PCDHGA3: variants seen among roughly 807,000 people sequenced by gnomAD.
PCDHGA3 encodes the protein protocadherin gamma subfamily A, 3.
PCDHGA3 carries 40 observed loss-of-function variants against 58.5 expected under a neutral mutation model. The observed-to-expected ratio is 0.68, with a 90% CI of 0.53 to 0.89. The LOEUF (loss-of-function observed/expected upper bound fraction) is 0.89, where lower values mean the gene tolerates loss of function less well. PCDHGA3 is among the 40% of genes least tolerant of loss of function. The pLI, the probability that PCDHGA3 is intolerant of heterozygous loss-of-function variation, is 0.00. For missense variants in PCDHGA3, 1,223 were observed against 1,195.9 expected (o/e 1.02, Z -0.33); for synonymous variants, 530 against 525.7 (o/e 1.01, Z -0.11).
intron 1 of PCDHGA3, chr5:141,390,085 A>C (rs1253804368): frequency 2.5e-6 from 4 of 1,613,916 alleles, no homozygotes. Flanking sequence ...GTTAAATCCG[A>C]ATCCGTGGTT....
At chr5:141,428,142 C>T in intron 1 of PCDHGA3, 1 of 1,594,260 alleles carries the variant, frequency 6.3e-7, no homozygotes, top group Non-Finnish European at 8.6e-7. Flanking sequence ...CCTGGGGCTG[C>T]ACACGGGAAC....
intron 1 of PCDHGA3, chr5:141,416,753 G>A (rs1168212796): frequency 1.3e-5 from 2 of 152,154 alleles, no homozygotes; most frequent in Non-Finnish European, 2.9e-5. Context: ...GACGTATTAG[G>A]TAGATCTCTT....
chr5:141,413,671 G>A (rs2095665360), intron 1 of PCDHGA3: 13 of 1,613,878 alleles, frequency 8.1e-6, no homozygotes, highest in Non-Finnish European at 9.3e-6. Flanking sequence ...TGATCCGGAT[G>A]TGGGCGTGAA....
rs775254727 is a variant in PCDHGA3 at position 141,352,609 on chromosome 5, G to A, written c.2424+6152G>A. 1.4e-5 allele frequency: 22 copies of A among 1,613,342 alleles called. No homozygotes were observed. The African/African-American group carries it at 2.8e-4, about 21-fold the overall frequency. On this transcript the variant is annotated intron_variant, in intron 1 of 3. Transcript: ENST00000253812. ...ATCTGCTGTGTGATGATCCTTCTAT[G>A]GTTGTATGTGCCAGTAATGAAGATC...
At chr5:141,351,240 G>A in intron 1 of PCDHGA3, 7 of 1,614,026 alleles carry the variant, frequency 4.3e-6, no homozygotes, top group Non-Finnish European at 5.1e-6. Context: ...ACAGCTCACT[G>A]TAATGTTCAA....
At chr5:141,462,036 G>T (rs760555655) in intron 1 of PCDHGA3, among the ~76,000 whole-genome samples, 6 of 151,978 alleles carry the variant, frequency 3.9e-5, no homozygotes, top group Non-Finnish European at 8.8e-5. Flanking sequence ...TTGGTCAGGC[G>T]GGTCTTGAAC....
At chr5:141,449,252 T>C (rs1401555556) in intron 1 of PCDHGA3, among the ~76,000 whole-genome samples, 1 of 152,144 alleles carries the variant, frequency 6.6e-6, no homozygotes, top group Non-Finnish European at 1.5e-5. Flanking sequence ...GTTGCAAGAA[T>C]TGTACAAAGA....
chr5:141,431,049 T>C lies in PCDHGA3; in HGVS notation c.2425-63758T>C, dbSNP rs1226000576. On this transcript the variant is annotated intron_variant, in intron 1 of 3. Coordinates refer to ENST00000253812, the MANE Select transcript of PCDHGA3 (RefSeq NM_018916.4). The surrounding 1 kb of genome is among the most constrained non-coding windows in gnomAD (Gnocchi z 4.8). Reference sequence around the variant, plus strand: ...AGGATAGACCGGGAGGAGCTCTGTATGGGGGCCATCAAGTGTCAATTAAAT... The same window carrying C: ...AGGATAGACCGGGAGGAGCTCTGTACGGGGGCCATCAAGTGTCAATTAAAT... The C allele has an allele frequency of 6.2e-7, 1 of 1,614,162 alleles. No homozygotes were observed. Among genetic ancestry groups the C allele is most frequent in the Non-Finnish European group, 8.5e-7 (1 of 1,180,014 alleles).
rs2097419057 is a variant in PCDHGA3 at position 141,431,807 on chromosome 5, A to G, written c.2425-63000A>G. 4 of 1,614,050 alleles carry G rather than the reference A, an allele frequency of 2.5e-6. No individual in the cohort carries two copies. Among genetic ancestry groups the G allele is most frequent in the Non-Finnish European group, 2.5e-6 (3 of 1,180,038 alleles). On this transcript the variant is annotated intron_variant, in intron 1 of 3. Coordinates refer to ENST00000253812, the MANE Select transcript of PCDHGA3 (RefSeq NM_018916.4). This position sits in a 1 kb window ranked among gnomAD's most constrained non-coding sequence, Gnocchi z 4.8. ...CGACAATGCCCCAGAAGTGGTCCTC[A>G]CCTCTCTCGCCAGCTCGGTTCCCGA... is the stretch of plus-strand genomic sequence containing the variant.
At position 141,433,401 on chromosome 5, in the gene PCDHGA3, A is replaced by C. The variant is rs181247960; in HGVS notation, c.2425-61406A>C. ...TATCTATCTATCTATCTATCTATCT[A>C]TCTATTACTTTCTTGTACAGACAGG... On this transcript the variant is annotated intron_variant, in intron 1 of 3. Transcript: ENST00000253812. Among the ~76,000 whole-genome samples, 679 of 150,596 alleles carry C rather than the reference A, an allele frequency of 4.5e-3. 8 individuals carry two copies. The highest frequency in any genetic ancestry group is 0.015 in the African/African-American group (630 of 40,956).
At chr5:141,466,684 G>A (rs1337230884) in intron 1 of PCDHGA3, among the ~76,000 whole-genome samples, 1 of 152,034 alleles carries the variant, frequency 6.6e-6, no homozygotes, top group Non-Finnish European at 1.5e-5. Flanking sequence ...TTCCACTCAA[G>A]CTTCATCATA....
rs1334123861 is a variant in PCDHGA3, at chr5:141,414,743, C to G, written c.2424+68286C>G. On this transcript the variant is annotated intron_variant, in intron 1 of 3. Coordinates refer to ENST00000253812, the MANE Select transcript of PCDHGA3 (RefSeq NM_018916.4). ...ACTGGCGTCCTGTATGCACTCAGAT[C>G]CTTCGACTATGAGCAGTTTCATGAG... 1.9e-6 allele frequency: 3 copies of G among 1,614,216 alleles called. No homozygotes were observed. In the East Asian group the frequency reaches 6.7e-5, roughly 36 times the overall value.
chr5:141,375,213 G>A (rs778646849), intron 1 of PCDHGA3: 9 of 1,613,810 alleles, frequency 5.6e-6, no homozygotes, highest in Non-Finnish European at 7.6e-6. Context: ...CGAGACTCTG[G>A]CCTGAATGGC....
intron 1 of PCDHGA3, chr5:141,402,922 C>A: frequency 1.3e-6 from 2 of 1,576,446 alleles, no homozygotes; most frequent in Non-Finnish European, 8.6e-7. Flanking sequence ...GCACAGAGAT[C>A]CTTTTGAGAA....
intron 1 of PCDHGA3, chr5:141,478,287 G>A (rs777542913): frequency 3.7e-6 from 6 of 1,614,154 alleles, no homozygotes; most frequent in Non-Finnish European, 5.1e-6. Flanking sequence ...AAGCAGTCTA[G>A]AGACCTATAC....
intron 1 of PCDHGA3, among the ~76,000 whole-genome samples, chr5:141,494,328 G>T (rs1595238527): frequency 6.6e-6 from 1 of 152,200 alleles, no homozygotes; most frequent in Non-Finnish European, 1.5e-5. Flanking sequence ...CACCAAAAGG[G>T]TTACCAAGAA....
rs762312563 is a variant in PCDHGA3 at position 141,493,182 on chromosome 5, A to G, written c.2425-1625A>G. Among the ~76,000 whole-genome samples, 1 of 152,232 alleles carries G rather than the reference A, an allele frequency of 6.6e-6. No homozygotes were observed. The highest frequency in any genetic ancestry group is 2.4e-5 in the African/African-American group (1 of 41,460). The stretch of plus-strand genomic sequence containing the variant: ...TAGCTGATTGAGAGAAACTTACTAT[A>G]TAACTCCTTTGAGAACCTCATCTCA... On this transcript the variant is annotated intron_variant, in intron 1 of 3. Coordinates refer to ENST00000253812, the MANE Select transcript of PCDHGA3 (RefSeq NM_018916.4). The surrounding 1 kb of genome is among the most constrained non-coding windows in gnomAD (Gnocchi z 4.3).
intron 2 of PCDHGA3, among the ~76,000 whole-genome samples, chr5:141,501,821 G>A (rs910825533): frequency 1.3e-5 from 2 of 152,028 alleles, no homozygotes; most frequent in Non-Finnish European, 2.9e-5. Context: ...ATAATTGGCA[G>A]CCCACCCACC....
intron 1 of PCDHGA3, chr5:141,394,322 G>C (rs1438978424): frequency 1.9e-6 from 3 of 1,613,842 alleles, no homozygotes; most frequent in Non-Finnish European, 2.5e-6. Context: ...CCCTGTCCTC[G>C]TATATCTCCA....
Sources: gnomAD v4.1 joint callset for allele counts (sites outside exome capture counted in the v4.1 genomes callset) on GRCh38, gnomAD v4.1.1 for gene constraint, Gnocchi (gnomAD v3.1) non-coding constraint, MANE v1.5 for transcripts, NCBI Gene and HGNC (gene_info 2026-07-23, HGNC 2026-07-21) for gene names.